The following GK3 variants were observed in gnomAD, a reference collection of about 807,000 sequenced individuals.
The protein encoded by GK3 is glycerol kinase 3.
the GK3 span, chr4:165,278,128 A>G: frequency 5.8e-6 from 9 of 1,544,632 alleles, no homozygotes; most frequent in South Asian, 1.1e-5. Context: ...ACTTCATCAC[A>G]GCTTTCTTCC....
At chr4:165,279,629 T>G in the GK3 span, 4 of 1,611,462 alleles carry the variant, frequency 2.5e-6, no homozygotes, top group South Asian at 3.3e-5. Flanking sequence ...CAAAACTGCC[T>G]TCTTTGAGGC....
the GK3 span, chr4:165,278,738 G>T: frequency 1.3e-6 from 2 of 1,588,512 alleles, no homozygotes; most frequent in Non-Finnish European, 1.7e-6. Flanking sequence ...GTAAGCCACT[G>T]TGGTGAGAAG....
At chr4:165,279,674 G>A in the GK3 span, 2 of 1,597,020 alleles carry the variant, frequency 1.3e-6, no homozygotes, top group Non-Finnish European at 1.7e-6. Context: ...GCCCGCGTTT[G>A]CGGCCGGTTT....
the GK3 span, chr4:165,278,052 A>G: frequency 6.5e-7 from 1 of 1,533,364 alleles, no homozygotes; most frequent in East Asian, 2.2e-5. Context: ...AAAAAGCCCA[A>G]GGGCAGACTA....
the GK3 span, chr4:165,278,202 C>T: frequency 5.0e-5 from 63 of 1,248,692 alleles, no homozygotes; most frequent in South Asian, 3.2e-4. Context: ...TCCATCGTGA[C>T]GGCGGACAAA....
At chr4:165,278,198 G>A in the GK3 span, 57 of 1,252,670 alleles carry the variant, frequency 4.6e-5, no homozygotes, top group South Asian at 1.2e-4. Flanking sequence ...CCGCTCCATC[G>A]TGACGGCGGA....
the GK3 span, chr4:165,279,540 G>C: frequency 3.2e-6 from 5 of 1,556,006 alleles, no homozygotes; most frequent in Non-Finnish European, 4.4e-6. Context: ...TGATGACTAA[G>C]TAGTTCAGCT....
the GK3 span, chr4:165,279,178 C>T: frequency 2.8e-5 from 44 of 1,590,172 alleles, no homozygotes; most frequent in Non-Finnish European, 3.1e-5. Context: ...TGTCGAGGAG[C>T]CAGCGAAGTT....
chr4:165,278,502 C>A, the GK3 span: 23,561 of 1,601,376 alleles, frequency 0.015, 214 homozygotes, highest in Non-Finnish European at 0.018. Flanking sequence ...TGAGTGAGTC[C>A]ACAGATTATC....
chr4:165,277,833 G>A, the GK3 span: 1 of 706,736 alleles, frequency 1.4e-6, no homozygotes, highest in Non-Finnish European at 2.6e-6. Context: ...TTTATTTTAA[G>A]CCACAGGTCT....
the GK3 span, chr4:165,278,056 C>T: frequency 1.3e-6 from 2 of 1,535,292 alleles, no homozygotes; most frequent in South Asian, 2.2e-5. Flanking sequence ...AGCCCAAGGG[C>T]AGACTACAGA....
the GK3 span, chr4:165,277,822 C>G: frequency 4.5e-5 from 30 of 663,536 alleles, no homozygotes; most frequent in South Asian, 4.9e-4. Context: ...GCTGCATTTT[C>G]TTTATTTTAA....
At chr4:165,279,589 G>A in the GK3 span, 1 of 1,606,340 alleles carries the variant, frequency 6.2e-7, no homozygotes, top group Middle Eastern at 1.7e-4. Flanking sequence ...TGGAACTGGT[G>A]CCTTGGTCCA....
chr4:165,279,651 C>A, the GK3 span: 1 of 1,610,814 alleles, frequency 6.2e-7, no homozygotes, highest in African/African-American at 1.3e-5. Context: ...GCCATGAAAC[C>A]AGCTTCAGGT....
At chr4:165,278,246 T>C in the GK3 span, 5 of 1,126,248 alleles carry the variant, frequency 4.4e-6, no homozygotes, top group Non-Finnish European at 6.8e-6. Context: ...GTCGACTCCT[T>C]CTGCAGCCCC....
chr4:165,279,280 G>C, the GK3 span: 1 of 1,535,384 alleles, frequency 6.5e-7, no homozygotes, highest in Non-Finnish European at 9.0e-7. Flanking sequence ...GACTCTCAAC[G>C]GTAGACTGTG....
the GK3 span, chr4:165,279,700 C>T: frequency 1.8e-4 from 201 of 1,145,444 alleles, no homozygotes; most frequent in Non-Finnish European, 2.5e-4. Flanking sequence ...GTGACGGCGG[C>T]GGGAGGGGGA....
At chr4:165,278,871 C>G in the GK3 span, 2 of 1,496,564 alleles carry the variant, frequency 1.3e-6, no homozygotes, top group Admixed American at 3.3e-5. Context: ...GCAGACTGGT[C>G]CCCTAAACAC....
the GK3 span, chr4:165,278,090 G>A: frequency 6.4e-7 from 1 of 1,557,812 alleles, no homozygotes; most frequent in Non-Finnish European, 8.9e-7. Flanking sequence ...ACCACCTTCT[G>A]GAGATTGAGT....
Sources: allele counts gnomAD v4.1 joint callset, GRCh38; gene constraint gnomAD v4.1.1; transcripts MANE v1.5; gene names NCBI Gene and HGNC (gene_info 2026-07-23, HGNC 2026-07-21).